The following CBFA2T3 variants were observed in gnomAD, a reference collection of about 807,000 sequenced individuals.
CBFA2T3 encodes CBFA2/RUNX1 partner transcriptional co-repressor 3.
CBFA2T3 carries 31 observed loss-of-function variants against 58.6 expected under a neutral mutation model. The ratio of observed to expected loss-of-function variants is 0.53; its 90% confidence interval spans 0.40 to 0.71. The LOEUF (loss-of-function observed/expected upper bound fraction) is 0.71. CBFA2T3 is among the 30% of genes least tolerant of loss of function. CBFA2T3 has a pLI of 0.00. For missense variants in CBFA2T3, 1,076 were observed against 963.1 expected, an observed-to-expected ratio of 1.12 and a Z score of -1.55; for synonymous variants, 531 against 421.9, an observed-to-expected ratio of 1.26 and a Z score of -3.17.
chr16:88,971,050 G>A (rs1025460932), intron 1 of CBFA2T3, among the ~76,000 whole-genome samples: 15 of 152,250 alleles, frequency 9.9e-5, no homozygotes, highest in African/African-American at 2.2e-4. Flanking sequence ...GGGTCGGGCC[G>A]GGAGGGCTGG....
intron 1 of CBFA2T3, among the ~76,000 whole-genome samples, chr16:88,922,924 C>T (rs1262892237): frequency 6.6e-6 from 1 of 152,232 alleles, no homozygotes; most frequent in South Asian, 2.1e-4. Context: ...TCCCACCGTA[C>T]AGATGGGGCA....
intron 1 of CBFA2T3, among the ~76,000 whole-genome samples, chr16:88,944,336 CAAAAAA>C (rs767482759): frequency 4.3e-4 from 18 of 42,316 alleles, no homozygotes; most frequent in African/African-American, 1.2e-3. Flanking sequence ...GACTCCATCT[CAAAAAA>C]AAAAAAAAAA....
chr16:88,967,488 G>A (rs1242160857), intron 1 of CBFA2T3, among the ~76,000 whole-genome samples: 4 of 151,976 alleles, frequency 2.6e-5, no homozygotes, highest in Admixed American at 1.3e-4. Flanking sequence ...CCCATTTACC[G>A]ATGAGGAAGC....
intron 1 of CBFA2T3, among the ~76,000 whole-genome samples, chr16:88,951,698 G>T (rs1227556223): frequency 3.3e-5 from 5 of 152,020 alleles, no homozygotes; most frequent in African/African-American, 2.4e-5. Context: ...TGGTCCAGGA[G>T]GAGGGCAGGT....
chr16:88,934,163 A>G (rs1001651406), intron 1 of CBFA2T3, among the ~76,000 whole-genome samples: 1 of 134,854 alleles, frequency 7.4e-6, no homozygotes, highest in Non-Finnish European at 1.5e-5. Context: ...CGGCACACGG[A>G]GGCACCGGCG....
At chr16:88,893,568 G>A (rs1969739696) in intron 3 of CBFA2T3, among the ~76,000 whole-genome samples, 1 of 152,218 alleles carries the variant, frequency 6.6e-6, no homozygotes, top group South Asian at 2.1e-4. Context: ...TCCTGCCCCT[G>A]GCGGCTGGAC....
chr16:88,917,192 G>A (rs1054654951), intron 1 of CBFA2T3, among the ~76,000 whole-genome samples: 1 of 152,240 alleles, frequency 6.6e-6, no homozygotes, highest in African/African-American at 2.4e-5. Flanking sequence ...AGCTGGCCCT[G>A]CCCTCTGCAC....
chr16:88,973,103 C>T (rs532109558), intron 1 of CBFA2T3, among the ~76,000 whole-genome samples: 34 of 152,346 alleles, frequency 2.2e-4, no homozygotes, highest in East Asian at 5.8e-4. Context: ...TGAGACCGCC[C>T]GGCTGCTCAT....
intron 1 of CBFA2T3, among the ~76,000 whole-genome samples, chr16:88,962,829 G>A (rs144952865): frequency 2.0e-3 from 305 of 152,334 alleles, no homozygotes; most frequent in East Asian, 5.8e-3. Context: ...GATGAGGGGC[G>A]CTGACCCTGC....
At chr16:88,882,818 T>C in intron 7 of CBFA2T3, 57 bp from the exon 8 acceptor site, 1 of 1,193,260 alleles carries the variant, frequency 8.4e-7, no homozygotes, top group Non-Finnish European at 1.2e-6. Flanking sequence ...TCTGCCCTAT[T>C]CTCCCAGACC....
At chr16:88,917,425 G>C (rs1455301200) in intron 1 of CBFA2T3, among the ~76,000 whole-genome samples, 12 of 152,230 alleles carry the variant, frequency 7.9e-5, no homozygotes, top group Non-Finnish European at 1.8e-4. Context: ...CTGGGAACGG[G>C]ACCCTCCCAC....
At chr16:88,882,596 CTGTGTGTGCGTGGCTG>C (rs1309076862) in intron 8 of CBFA2T3, 64 bp downstream of exon 8, 71 of 764,262 alleles carry the variant, frequency 9.3e-5, no homozygotes, top group Middle Eastern at 3.7e-4. Context: ...GTGTGCATGG[CTGTGTGTGCGTGGCTG>C]TGTGTGTGCG....
intron 1 of CBFA2T3, among the ~76,000 whole-genome samples, chr16:88,969,943 C>T (rs958542795): frequency 2.6e-5 from 4 of 152,354 alleles, no homozygotes; most frequent in Admixed American, 6.5e-5. Flanking sequence ...CTGTTGGAGG[C>T]TTCTGCCATG....
In CBFA2T3 at chr16:88,879,486, C is replaced by T. The variant is rs190199294; in HGVS notation, c.1472-26G>A. 1,824 of 1,593,850 alleles carry T rather than the reference C, an allele frequency of 1.1e-3. 14 individuals carry two copies. In the Middle Eastern group the frequency reaches 0.017, roughly 15 times the overall value. Reference sequence around the variant, plus strand: ...CTGCAAAGGACATGGGCAGGGCTGGCGGTCACATGGGCCATCCCAGATGGG... The same window carrying T: ...CTGCAAAGGACATGGGCAGGGCTGGTGGTCACATGGGCCATCCCAGATGGG... On this transcript the variant is annotated intron_variant, in intron 10 of 11. Transcript: ENST00000268679.
intron 8 of CBFA2T3, among the ~76,000 whole-genome samples, chr16:88,882,449 G>A (rs914321894): frequency 1.2e-4 from 18 of 150,818 alleles, no homozygotes; most frequent in South Asian, 6.3e-4. Context: ...GGCTGTGTGC[G>A]TGGGCGTGGC....
Position 88,958,149 on chromosome 16 carries a change from C to T in CBFA2T3, c.151+18508G>A, listed in dbSNP as rs549025980. Among the ~76,000 whole-genome samples, 3 of 152,286 alleles carry T rather than the reference C, an allele frequency of 2.0e-5. No homozygotes were observed. Among genetic ancestry groups the T allele is most frequent in the Admixed American group, 6.5e-5 (1 of 15,306 alleles). On this transcript the variant is annotated intron_variant, in intron 1 of 11. Coordinates refer to ENST00000268679, the MANE Select transcript of CBFA2T3 (RefSeq NM_005187.6). This position sits in a 1 kb window ranked among gnomAD's most constrained non-coding sequence, Gnocchi z 4.0. ...TGGGTGTCAAGGCCGTGCACACCCA[C>T]GAGGCCGTAGGAAGCCTGGTCAGGC...
intron 4 of CBFA2T3, 78 bp downstream of exon 4, chr16:88,892,166 G>T: frequency 6.6e-7 from 1 of 1,523,034 alleles, no homozygotes; most frequent in Non-Finnish European, 8.9e-7. Flanking sequence ...CCCATGTAAG[G>T]AGTGGCCGTG....
intron 4 of CBFA2T3, 52 bp from the exon 5 acceptor site, chr16:88,892,023 G>A (rs749698445): frequency 6.7e-7 from 1 of 1,502,426 alleles, no homozygotes; most frequent in East Asian, 2.3e-5. Context: ...ATGTGAGCCA[G>A]CGCCGACCCA....
At chr16:88,881,754 C>A (rs541057093) in intron 8 of CBFA2T3, 5 of 442,160 alleles carry the variant, frequency 1.1e-5, no homozygotes, top group Non-Finnish European at 1.6e-5. Flanking sequence ...CTTTTTAACC[C>A]GCTCAGCGGG....
Sources: allele counts gnomAD v4.1 joint callset (sites outside exome capture counted in the v4.1 genomes callset), GRCh38; gene constraint gnomAD v4.1.1; non-coding constraint Gnocchi (gnomAD v3.1); transcripts MANE v1.5; gene names NCBI Gene and HGNC (gene_info 2026-07-23, HGNC 2026-07-21).